TRIP13: variants seen among roughly 807,000 people sequenced by gnomAD.
TRIP13 encodes the protein pachytene checkpoint protein 2 homolog.
A neutral mutation model predicts 54.4 loss-of-function variants in TRIP13; 25 were observed. The ratio of observed to expected loss-of-function variants is 0.46; its 90% CI spans 0.33 to 0.64. TRIP13 has a LOEUF of 0.64. TRIP13 is among the 30% of genes least tolerant of loss of function. The pLI, the probability that TRIP13 is intolerant of heterozygous loss-of-function variation, is 0.02. For missense variants in TRIP13, 373 were observed against 534.2 expected, an observed-to-expected ratio of 0.70 and a Z score of 2.97; for synonymous variants, 207 against 207.8, an observed-to-expected ratio of 1.00 and a Z score of 0.03.
Position 896,873 on chromosome 5 carries a change from G to A in TRIP13, c.388+79G>A, listed in dbSNP as rs572131310. 65 of 1,456,312 alleles carry A rather than the reference G, an allele frequency of 4.5e-5. 1 individual carries two copies. In the Admixed American group the frequency reaches 1.1e-3, roughly 25 times the overall value. The allele number at this position is 1,456,312 out of a possible 1,614,324, so 90.2% of individuals were successfully genotyped here. A position where few individuals can be genotyped will look rare whatever the true frequency, so the allele number is the denominator to read the frequency against. On this transcript the variant is annotated intron_variant, in intron 3 of 12. Coordinates refer to ENST00000166345, the MANE Select transcript of TRIP13 (RefSeq NM_004237.4). ...TCCATGCCATGTCAGTTCACAGGGG[G>A]GGTTCTGTTTGTCCATTTGTTTTGT...
At chr5:901,456 A>T in intron 5 of TRIP13, 25 bp downstream of exon 5, 1 of 1,609,260 alleles carries the variant, frequency 6.2e-7, no homozygotes, top group Non-Finnish European at 8.5e-7. Flanking sequence ...CTTTTATTTG[A>T]CCAGATAAGT....
intron 2 of TRIP13, 128 bp downstream of exon 2, chr5:895,080 G>C: frequency 1.9e-6 from 2 of 1,076,084 alleles, no homozygotes; most frequent in South Asian, 1.6e-5. Context: ...TGGGTGGCTA[G>C]ACAAGTTCTT....
rs1478196994 is a variant in TRIP13 at position 908,301 on chromosome 5, G to A, written c.760-54G>A. The A allele has an allele frequency of 4.9e-5, 77 of 1,583,672 alleles. 1 individual carries two copies. In the South Asian group the frequency reaches 8.2e-4, roughly 17 times the overall value. ...CTCAGCGGGACGTATCCCCATAGCT[G>A]CCTGTGAAGTGCCAGGCCCTGTCCT... is the stretch of plus-strand genomic sequence containing the variant. On this transcript the variant is annotated intron_variant, in intron 8 of 12. Transcript: ENST00000166345. The surrounding 1 kb of genome is among the most constrained non-coding windows in gnomAD (Gnocchi z 5.2).
chr5:904,868 G>A (rs868378902), intron 6 of TRIP13, among the ~76,000 whole-genome samples: 19 of 152,016 alleles, frequency 1.2e-4, no homozygotes, highest in Middle Eastern at 6.8e-3. Context: ...TTATGTTCTC[G>A]TTCACGTCTT....
At chr5:903,378 C>T (rs1221651838) in intron 5 of TRIP13, among the ~76,000 whole-genome samples, 1 of 151,922 alleles carries the variant, frequency 6.6e-6, no homozygotes, top group African/African-American at 2.4e-5. Context: ...CCTGGTTTTT[C>T]CTAGGTTATG....
chr5:900,634 T>A (rs1753964100), intron 4 of TRIP13, 85 bp downstream of exon 4: 3 of 1,459,432 alleles, frequency 2.1e-6, no homozygotes, highest in East Asian at 2.4e-5. Flanking sequence ...CCTGAGCAAC[T>A]TGATGCAGAT....
Position 907,025 on chromosome 5 carries a change from CG to C in TRIP13, c.609-104del. 2 of 855,674 alleles carry C rather than the reference CG, an allele frequency of 2.3e-6. No homozygotes were observed. 53.0% of individuals were successfully genotyped at this position (855,674 alleles called of 1,614,324 possible). A position where few individuals can be genotyped will look rare whatever the true frequency, so the allele number is the denominator to read the frequency against. On this transcript the variant is annotated intron_variant, in intron 6 of 12. Coordinates refer to ENST00000166345, the MANE Select transcript of TRIP13 (RefSeq NM_004237.4). The surrounding 1 kb of genome is among the most constrained non-coding windows in gnomAD (Gnocchi z 4.1). ...TCTTTGTCAGTAATTGTAATTCCCC[CG>C]ATGCTGGGCACTTGAGATGTTGCAT... is the stretch of plus-strand genomic sequence containing the variant.
Position 911,557 on chromosome 5 carries a change from C to G in TRIP13, c.867-286C>G, listed in dbSNP as rs1391550664. On this transcript the variant is annotated intron_variant, in intron 9 of 12. Coordinates refer to ENST00000166345, the MANE Select transcript of TRIP13 (RefSeq NM_004237.4). This position sits in a 1 kb window ranked among gnomAD's most constrained non-coding sequence, Gnocchi z 4.7. ...CTGCACTCCAGCCTGGGCGAAAGAG[C>G]GAGACTCTGTCTCAAAAAAAAAAAA... is the stretch of plus-strand genomic sequence containing the variant. 1.4e-5 allele frequency among the ~76,000 whole-genome samples: 2 copies of G among 147,950 alleles called. No homozygotes were observed. Among genetic ancestry groups the G allele is most frequent in the Non-Finnish European group, 3.0e-5 (2 of 67,004 alleles).
At chr5:916,952 G>A in intron 12 of TRIP13, 56 bp from the exon 13 acceptor site, 2 of 1,555,156 alleles carry the variant, frequency 1.3e-6, no homozygotes, top group Non-Finnish European at 1.8e-6. Flanking sequence ...GTGGATGCCA[G>A]ATGGCCCCAC....
chr5:910,550 C>T (rs1417055928), intron 9 of TRIP13, among the ~76,000 whole-genome samples: 1 of 152,210 alleles, frequency 6.6e-6, no homozygotes, highest in Non-Finnish European at 1.5e-5. Flanking sequence ...TCGCTGTGCA[C>T]CTGCCACTCA....
At position 908,081 on chromosome 5, in the gene TRIP13, A is replaced by G. The variant is rs1172975608; in HGVS notation, c.759+7A>G. ...GTTCGTGCTGATTGATGAGGTAGGCATTTCCAGATAAGGAAATTCATGACA... is the reference window on the plus strand; with the variant it reads ...GTTCGTGCTGATTGATGAGGTAGGCGTTTCCAGATAAGGAAATTCATGACA... On this transcript the variant is annotated splice_region_variant and intron_variant, in intron 8 of 12. Transcript: ENST00000166345. The surrounding 1 kb of genome is among the most constrained non-coding windows in gnomAD (Gnocchi z 5.2). The G allele has an allele frequency of 1.9e-6, 3 of 1,613,954 alleles. No homozygotes were observed. The highest frequency in any genetic ancestry group is 2.5e-6 in the Non-Finnish European group (3 of 1,179,914).
At position 908,612 on chromosome 5, in the gene TRIP13, G is replaced by A. The variant is rs1295937225; in HGVS notation, c.866+151G>A. 6.8e-7 allele frequency: 1 copy of A among 1,469,690 alleles called. No individual in the cohort carries two copies. The highest frequency in any genetic ancestry group is 1.4e-5 in the African/African-American group (1 of 71,110). 91.0% of individuals were successfully genotyped at this position (1,469,690 alleles called of 1,614,324 possible). ...TGAGTATCGACTCCTTTTCCACATT[G>A]GAAGCAGCATATCACAAATGCTTTT... On this transcript the variant is annotated intron_variant, in intron 9 of 12. Transcript: ENST00000166345. The surrounding 1 kb of genome is among the most constrained non-coding windows in gnomAD (Gnocchi z 5.2).
chr5:902,136 A>G (rs1201630257), intron 5 of TRIP13, among the ~76,000 whole-genome samples: 1 of 152,234 alleles, frequency 6.6e-6, no homozygotes, highest in East Asian at 1.9e-4. Context: ...GCCATATTTT[A>G]AAGAAATTCT....
chr5:907,076 T>A lies in TRIP13; in HGVS notation c.609-54T>A, dbSNP rs1237490497. 23 of 1,521,042 alleles carry A rather than the reference T, an allele frequency of 1.5e-5. No homozygotes were observed. Among genetic ancestry groups the A allele is most frequent in the Non-Finnish European group, 1.2e-5 (13 of 1,097,074 alleles). The allele number at this position is 1,521,042 out of a possible 1,614,324, so 94.2% of individuals were successfully genotyped here. The stretch of plus-strand genomic sequence containing the variant: ...TTCAGGACGCGTGAATGGCTGCCGC[T>A]GAGGATCCACAGGACCAGTTAGTAA... On this transcript the variant is annotated intron_variant, in intron 6 of 12. Transcript: ENST00000166345. The surrounding 1 kb of genome is among the most constrained non-coding windows in gnomAD (Gnocchi z 4.1).
chr5:904,176 G>T lies in TRIP13; in HGVS notation c.564G>T (p.Leu188=), dbSNP rs1754056455. Residue 188 remains leucine, a synonymous_variant, in exon 6 of 13, where the codon CTG becomes CTT. Coordinates refer to ENST00000166345, the MANE Select transcript of TRIP13 (RefSeq NM_004237.4). ...CTCCTGGCACTGGAAAAACATCCCT[G>T]TGTAAAGCGTTAGCCCAGAAATTGA... ...HGPPGTGKTS[L]CKALAQKLTI... is the part of the protein sequence containing the mutation. 6.2e-7 allele frequency: 1 copy of T among 1,609,800 alleles called. No homozygotes were observed.
rs1179220260 is a variant in TRIP13, at chr5:904,173, C to A, written c.561C>A (p.Ser187=). 1 of 1,608,726 alleles carries A rather than the reference C, an allele frequency of 6.2e-7. No individual in the cohort carries two copies. The highest frequency in any genetic ancestry group is 2.2e-5 in the East Asian group (1 of 44,566). ...GTCCTCCTGGCACTGGAAAAACATC[C>A]CTGTGTAAAGCGTTAGCCCAGAAAT... ...LHGPPGTGKT[S]LCKALAQKLT... Residue 187 remains serine (S), a synonymous_variant, in exon 6 of 13, where the codon TCC becomes TCA. Coordinates refer to ENST00000166345, the MANE Select transcript of TRIP13 (RefSeq NM_004237.4).
At chr5:901,631 T>G (rs1480587417) in intron 5 of TRIP13, among the ~76,000 whole-genome samples, 200 bp downstream of exon 5, 1 of 152,192 alleles carries the variant, frequency 6.6e-6, no homozygotes, top group Non-Finnish European at 1.5e-5. Flanking sequence ...TTTTTGTTTT[T>G]GAGACAGAGT....
intron 2 of TRIP13, among the ~76,000 whole-genome samples, chr5:895,710 A>T (rs1188512283): frequency 6.6e-6 from 1 of 152,146 alleles, no homozygotes; most frequent in Non-Finnish European, 1.5e-5. Flanking sequence ...AGGGATGGAC[A>T]CCCTAACTGG....
At chr5:903,440 A>G (rs896766216) in intron 5 of TRIP13, among the ~76,000 whole-genome samples, 8 of 152,180 alleles carry the variant, frequency 5.3e-5, no homozygotes, top group African/African-American at 7.2e-5. Flanking sequence ...ATTGCTACAA[A>G]TTAATGATTA....
Sources: allele counts gnomAD v4.1 joint callset (sites outside exome capture counted in the v4.1 genomes callset), GRCh38; gene constraint gnomAD v4.1.1; non-coding constraint Gnocchi (gnomAD v3.1); transcripts MANE v1.5; gene names NCBI Gene and HGNC (gene_info 2026-07-23, HGNC 2026-07-21).